The following TNIK variants were observed in gnomAD, a reference collection of about 807,000 sequenced individuals.
TNIK encodes the protein TRAF2 and NCK interacting kinase, also known as TRAF2 and NCK-interacting protein kinase.
TNIK carries 49 observed loss-of-function variants against 191.3 expected under a neutral mutation model. The ratio of observed to expected loss-of-function variants is 0.26; its 90% CI spans 0.20 to 0.32. TNIK has a LOEUF of 0.32. Among genes scored for constraint, TNIK ranks in the 10% least tolerant of loss-of-function variants. The pLI is 1.00. For synonymous variants in TNIK, 594 were observed against 600.9 expected, an observed-to-expected ratio of 0.99 and a Z score of 0.17; for missense variants, 1,155 against 1,702.3, an observed-to-expected ratio of 0.68 and a Z score of 5.66.
At position 171,280,902 on chromosome 3, in the gene TNIK, A is replaced by G. The variant is rs567780618; in HGVS notation, c.124-52681T>C. On this transcript the variant is annotated intron_variant, in intron 2 of 32. Coordinates refer to ENST00000436636, the MANE Select transcript of TNIK (RefSeq NM_015028.4). ...CTATATATGCTGTTATGTTACTATA[A>G]TGCTGACCATGGCTCTACAGGAATA... Among the ~76,000 whole-genome samples the G allele has an allele frequency of 1.7e-4, 26 of 152,304 alleles. No homozygotes were observed. The South Asian group carries it at 1.9e-3, about 11-fold the overall frequency.
intron 1 of TNIK, among the ~76,000 whole-genome samples, chr3:171,383,640 A>C (rs1718350792): frequency 6.6e-6 from 1 of 152,222 alleles, no homozygotes; most frequent in African/African-American, 2.4e-5. Context: ...GCATTTTCTT[A>C]GCCAAAAAAA....
Position 171,211,251 on chromosome 3 carries a change from A to T in TNIK, c.181-10T>A. Reference sequence around the variant, plus strand: ...TTTCTTCCTCTTCATCCTGTATGAGAACAATATAAAAATTCTGTCATGAAA... The same window carrying T: ...TTTCTTCCTCTTCATCCTGTATGAGTACAATATAAAAATTCTGTCATGAAA... On this transcript the variant is annotated splice_polypyrimidine_tract_variant and intron_variant, in intron 3 of 32. Coordinates refer to ENST00000436636, the MANE Select transcript of TNIK (RefSeq NM_015028.4). 1 of 1,583,612 alleles carries T rather than the reference A, an allele frequency of 6.3e-7. No individual in the cohort carries two copies. Among genetic ancestry groups the T allele is most frequent in the Non-Finnish European group, 8.6e-7 (1 of 1,163,946 alleles).
At chr3:171,069,228 G>GATA (rs1308653162) in intron 29 of TNIK, among the ~76,000 whole-genome samples, 80 of 152,248 alleles carry the variant, frequency 5.3e-4, no homozygotes, top group African/African-American at 1.7e-3. Context: ...AGTTTAAGTT[G>GATA]GTGCACAGGT....
intron 4 of TNIK, among the ~76,000 whole-genome samples, chr3:171,201,391 C>T (rs1453391457): frequency 3.9e-5 from 6 of 152,056 alleles, no homozygotes; most frequent in Non-Finnish European, 8.8e-5. Context: ...AAGAGCGAAA[C>T]TCCGTCTCAA....
intron 1 of TNIK, among the ~76,000 whole-genome samples, chr3:171,385,849 T>C (rs1718652763): frequency 6.6e-6 from 1 of 152,166 alleles, no homozygotes; most frequent in Admixed American, 6.5e-5. Context: ...ATAAGGCAAA[T>C]GGATTTCAAG....
chr3:171,228,213 A>C lies in TNIK; in HGVS notation c.132T>G (p.His44Gln). The part of the protein sequence containing the change: ...GTYGQVYKGR[H>Q]VKTGQLAAIK... ...TGGCTGCAAGCTGGCCCGTTTTGAC[A>C]TGACGACCCTGTGAAGAAAAAATAA... The change falls in exon 3 of 33, where the codon CAT becomes CAG. Residue 44 changes from histidine (H) to glutamine (Q), a missense_variant. By Grantham distance (24) the His-to-Gln change is conservative. Around this residue, in one of 3 missense-constraint regions of TNIK, gnomAD observed 225 missense variants for 438.9 expected, o/e 0.51. Coordinates refer to ENST00000436636, the MANE Select transcript of TNIK (RefSeq NM_015028.4). 1 of 1,613,462 alleles carries C rather than the reference A, an allele frequency of 6.2e-7. No individual in the cohort carries two copies. Among genetic ancestry groups the C allele is most frequent in the Non-Finnish European group, 8.5e-7 (1 of 1,179,572 alleles).
chr3:171,196,921 A>AT (rs112224735), intron 4 of TNIK, among the ~76,000 whole-genome samples: 50,143 of 151,678 alleles, frequency 0.33, 8,592 homozygotes, highest in East Asian at 0.51. Context: ...CGCCCGGCTA[A>AT]TTTTTTTGTA....
intron 2 of TNIK, among the ~76,000 whole-genome samples, chr3:171,310,687 A>G (rs927584671): frequency 4.6e-5 from 7 of 152,048 alleles, no homozygotes; most frequent in African/African-American, 9.7e-5. Context: ...TCTTTTTCCT[A>G]TTCTACACAG....
At chr3:171,335,797 G>T (rs1044769661) in intron 2 of TNIK, among the ~76,000 whole-genome samples, 1 of 152,112 alleles carries the variant, frequency 6.6e-6, no homozygotes, top group Non-Finnish European at 1.5e-5. Context: ...AAGTAGATTT[G>T]CCAGGTCATC....
At chr3:171,419,325 G>C (rs921701720) in intron 1 of TNIK, among the ~76,000 whole-genome samples, 4 of 152,236 alleles carry the variant, frequency 2.6e-5, no homozygotes, top group Admixed American at 2.6e-4. Flanking sequence ...ACAGAAAGTA[G>C]ATTAGTGATT....
chr3:171,455,554 A>G (rs189072600), intron 1 of TNIK, among the ~76,000 whole-genome samples: 3 of 152,254 alleles, frequency 2.0e-5, no homozygotes, highest in Non-Finnish European at 4.4e-5. Flanking sequence ...ATAATTTTCT[A>G]TTAGATAAAA....
Position 171,218,867 on chromosome 3 carries a change from A to AATAT in TNIK, c.181-7630_181-7627dup, listed in dbSNP as rs1019850890. 5.3e-5 allele frequency among the ~76,000 whole-genome samples: 7 copies of AATAT among 132,916 alleles called. No individual in the cohort carries two copies. The South Asian group carries it at 6.6e-4, about 13-fold the overall frequency. 87.2% of individuals were successfully genotyped at this position (132,916 alleles called of 152,430 possible). A position where few individuals can be genotyped will look rare whatever the true frequency, so the allele number is the denominator to read the frequency against. The stretch of plus-strand genomic sequence containing the variant: ...ATATATATTACATATATTTAATATA[A>AATAT]ATATATTTTATTTTTATATATTATA... On this transcript the variant is annotated intron_variant, in intron 3 of 32. Transcript: ENST00000436636.
At chr3:171,100,657 A>ACTT (rs1723353105) in intron 22 of TNIK, among the ~76,000 whole-genome samples, 1 of 151,672 alleles carries the variant, frequency 6.6e-6, no homozygotes, top group South Asian at 2.1e-4. Context: ...TAGGTGGAGG[A>ACTT]ACTGGGGAAG....
Position 171,123,579 on chromosome 3 carries a change from C to A in TNIK, c.2120+17G>T. On this transcript the variant is annotated intron_variant, in intron 18 of 32. Transcript: ENST00000436636. ...GTAGGAGTTTCTTCTTTTACCATAA[C>A]CACCTTCCTTTCTTACCTTGCTCTG... The A allele has an allele frequency of 1.3e-6, 2 of 1,526,806 alleles. No individual in the cohort carries two copies. Among genetic ancestry groups the A allele is most frequent in the Admixed American group, 2.2e-5 (1 of 45,796 alleles). 94.6% of individuals were successfully genotyped at this position (1,526,806 alleles called of 1,614,324 possible).
intron 8 of TNIK, among the ~76,000 whole-genome samples, chr3:171,176,697 T>C (rs1023568955): frequency 6.6e-6 from 1 of 152,196 alleles, no homozygotes; most frequent in African/African-American, 2.4e-5. Context: ...GAGTGGCCCT[T>C]GAAAGGTGCG....
intron 1 of TNIK, among the ~76,000 whole-genome samples, chr3:171,395,038 C>T (rs6807555): frequency 3.9e-5 from 6 of 151,994 alleles, no homozygotes; most frequent in Non-Finnish European, 7.4e-5. Context: ...AAACAATATA[C>T]GGCTTGATAA....
rs759058321 is a variant in TNIK, at chr3:171,460,052, G to A, written c.12C>T (p.Asp4=). 2 of 1,607,892 alleles carry A rather than the reference G, an allele frequency of 1.2e-6. No homozygotes were observed. The highest frequency in any genetic ancestry group is 1.7e-6 in the Non-Finnish European group (2 of 1,177,276). ...TTTCATCCAGGCTTCGAGCCGGGGA[G>A]TCGCTCGCCATGTCTACTTCTTCGC... MAS[D]SPARSLDEID... The change falls in exon 1 of 33, where the codon GAC becomes GAT. Residue 4 remains aspartate, a synonymous_variant. Coordinates refer to ENST00000436636, the MANE Select transcript of TNIK (RefSeq NM_015028.4). The surrounding 1 kb of genome is among the most constrained non-coding windows in gnomAD (Gnocchi z 6.8).
intron 1 of TNIK, among the ~76,000 whole-genome samples, chr3:171,447,081 C>T (rs943068265): frequency 1.3e-5 from 2 of 152,110 alleles, no homozygotes; most frequent in African/African-American, 4.8e-5. Context: ...ATCCCAGCTA[C>T]TCAGGAGGCT....
At chr3:171,101,735 G>A (rs1723602639) in intron 21 of TNIK, 102 bp from the exon 22 acceptor site, 5 of 1,138,118 alleles carry the variant, frequency 4.4e-6, no homozygotes, top group Non-Finnish European at 6.2e-6. Context: ...AAAAAAAAAA[G>A]CTCTATATAG....
Sources: gnomAD v4.1 joint callset for allele counts (sites outside exome capture counted in the v4.1 genomes callset) on GRCh38, gnomAD v4.1.1 for gene constraint, gnomAD v4.1.1 regional missense constraint, Gnocchi (gnomAD v3.1) non-coding constraint, MANE v1.5 for transcripts, NCBI Gene and HGNC (gene_info 2026-07-23, HGNC 2026-07-21) for gene names.